The following MPRIP variants were observed in gnomAD, a reference collection of about 807,000 sequenced individuals.
MPRIP encodes the protein myosin phosphatase Rho interacting protein, also known as myosin phosphatase Rho-interacting protein.
In MPRIP, 59 loss-of-function variants were observed where a neutral mutation model predicts 234.9. That is an observed-to-expected ratio of 0.25 (90% CI 0.20 to 0.31). The LOEUF (loss-of-function observed/expected upper bound fraction) is 0.31. Ranked by LOEUF, MPRIP falls within the 10% of genes least tolerant of loss-of-function variation. MPRIP has a pLI of 1.00. For missense variants in MPRIP, 2,436 were observed against 3,071.0 expected, an observed-to-expected ratio of 0.79 and a Z score of 4.89; for synonymous variants, 1,144 against 1,263.9, an observed-to-expected ratio of 0.91 and a Z score of 2.01.
At chr17:17,151,261 A>G (rs1319848620) in intron 12 of MPRIP, among the ~76,000 whole-genome samples, 2 of 152,184 alleles carry the variant, frequency 1.3e-5, no homozygotes, top group Non-Finnish European at 2.9e-5. Context: ...CACAGGATTC[A>G]GGAAAGTACT....
intron 1 of MPRIP, among the ~76,000 whole-genome samples, chr17:17,062,510 A>G (rs1018297779): frequency 1.3e-5 from 2 of 152,212 alleles, no homozygotes; most frequent in African/African-American, 4.8e-5. Context: ...TGTGTGCTTC[A>G]TGTTTTTATC....
chr17:17,135,631 A>G (rs11652674), intron 5 of MPRIP, among the ~76,000 whole-genome samples: 6,276 of 152,244 alleles, frequency 0.041, 216 homozygotes, highest in East Asian at 0.14. Flanking sequence ...AGAAGGGGCA[A>G]GGCAGCTCTC....
intron 1 of MPRIP, among the ~76,000 whole-genome samples, chr17:17,066,830 C>T (rs1484035392): frequency 1.5e-5 from 2 of 137,068 alleles, no homozygotes; most frequent in African/African-American, 5.4e-5. Context: ...AAGCATAGCT[C>T]ACTGCAACCT....
At chr17:17,118,422 T>G (rs958363662) in intron 3 of MPRIP, among the ~76,000 whole-genome samples, 1 of 151,898 alleles carries the variant, frequency 6.6e-6, no homozygotes, top group African/African-American at 2.4e-5. Flanking sequence ...TGGGGAAGAG[T>G]GCAGAATCAT....
intron 3 of MPRIP, among the ~76,000 whole-genome samples, chr17:17,091,580 C>T (rs970940088): frequency 2.0e-5 from 3 of 152,184 alleles, no homozygotes; most frequent in Non-Finnish European, 4.4e-5. Context: ...CAGGGTCATG[C>T]GGCTGGTTGT....
Position 17,147,384 on chromosome 17 carries a change from G to A in MPRIP, c.1626G>A (p.Glu542=), listed in dbSNP as rs139079841. Residue 542 remains glutamate, a synonymous_variant, in exon 11 of 24, where the codon GAG becomes GAA. Transcript: ENST00000651222. ...SLRYYRDSVA[E]EAADLDGEID... ...GATACTACAGGGATTCAGTGGCTGA[G>A]GAGGTGAGTGTCTGGGCTTTGCCTC... 3 of 1,614,042 alleles carry A rather than the reference G, an allele frequency of 1.9e-6. No homozygotes were observed. Among genetic ancestry groups the A allele is most frequent in the African/African-American group, 2.7e-5 (2 of 74,936 alleles).
chr17:17,047,842 G>A (rs1397517493), intron 1 of MPRIP, among the ~76,000 whole-genome samples: 1 of 152,192 alleles, frequency 6.6e-6, no homozygotes, highest in Non-Finnish European at 1.5e-5. Context: ...GGAGGTGGTT[G>A]CTGAAATCAT....
intron 3 of MPRIP, among the ~76,000 whole-genome samples, chr17:17,116,083 A>G (rs1307488370): frequency 6.6e-6 from 1 of 152,154 alleles, no homozygotes; most frequent in Non-Finnish European, 1.5e-5. Flanking sequence ...TAAATCTATA[A>G]TATAAATCTA....
chr17:17,055,200 CA>C (rs1373680628), intron 1 of MPRIP, among the ~76,000 whole-genome samples: 3 of 152,090 alleles, frequency 2.0e-5, no homozygotes, highest in Non-Finnish European at 2.9e-5. Flanking sequence ...GAGCAGATCC[CA>C]ATTTTAGGAA....
At chr17:17,145,938 T>C in intron 9 of MPRIP, 98 bp from the exon 10 acceptor site, 1 of 1,198,980 alleles carries the variant, frequency 8.3e-7, no homozygotes, top group Non-Finnish European at 1.2e-6. Context: ...ACCCCTTTCC[T>C]GGTACCCGCC....
At position 17,166,046 on chromosome 17, in the gene MPRIP, A is replaced by G; in HGVS notation, c.4455A>G (p.Gln1485=). Residue 1485 remains glutamine (Q), a synonymous_variant, in exon 16 of 24, where the codon CAA becomes CAG. Transcript: ENST00000651222. This position sits in a 1 kb window ranked among gnomAD's most constrained non-coding sequence, Gnocchi z 4.4. ...TGTGCCTGGAAAATTGCCGAGAACA[A>G]CTGAGATCTCTGCCTAGGGCCAGCC... ...ALMCLENCRE[Q]LRSLPRASQE... 7.7e-7 allele frequency: 1 copy of G among 1,303,480 alleles called. No homozygotes were observed. Among genetic ancestry groups the G allele is most frequent in the Non-Finnish European group, 1.0e-6 (1 of 988,536 alleles). 80.7% of individuals were successfully genotyped at this position (1,303,480 alleles called of 1,614,324 possible).
At chr17:17,060,611 C>T (rs1296550594) in intron 1 of MPRIP, among the ~76,000 whole-genome samples, 1 of 152,188 alleles carries the variant, frequency 6.6e-6, no homozygotes, top group Non-Finnish European at 1.5e-5. Context: ...CCACTGCCAG[C>T]GGGGAGGAGT....
chr17:17,087,044 T>C (rs1322358469), intron 3 of MPRIP, among the ~76,000 whole-genome samples: 3 of 152,126 alleles, frequency 2.0e-5, no homozygotes, highest in Non-Finnish European at 4.4e-5. Context: ...TTTCTTGTTG[T>C]TTGCACCTCT....
intron 3 of MPRIP, among the ~76,000 whole-genome samples, chr17:17,108,043 C>T (rs1038926697): frequency 6.6e-6 from 1 of 152,236 alleles, no homozygotes; most frequent in Non-Finnish European, 1.5e-5. Context: ...TTGCCTGACA[C>T]AGCCACCACC....
intron 1 of MPRIP, among the ~76,000 whole-genome samples, chr17:17,068,862 C>A (rs867915611): frequency 1.3e-5 from 2 of 152,046 alleles, no homozygotes; most frequent in Non-Finnish European, 2.9e-5. Context: ...TTTATTATTT[C>A]CTTCTTTTTC....
chr17:17,171,916 G>T, intron 17 of MPRIP, 51 bp downstream of exon 17: 1 of 1,567,892 alleles, frequency 6.4e-7, no homozygotes, highest in Non-Finnish European at 8.6e-7. Context: ...AGCTTTTTTT[G>T]AGCTAGACAC....
chr17:17,177,426 T>A lies in MPRIP; in HGVS notation c.7120+14T>A. ...TGTCCGGATATGGTGCGTCCTCGGGTCATGCCCTCTCGGTTATTGCTGGGG... is the reference window on the plus strand; with the variant it reads ...TGTCCGGATATGGTGCGTCCTCGGGACATGCCCTCTCGGTTATTGCTGGGG... On this transcript the variant is annotated intron_variant, in intron 22 of 23. Coordinates refer to ENST00000651222, the MANE Select transcript of MPRIP (RefSeq NM_001364716.4). 6.2e-7 allele frequency: 1 copy of A among 1,608,972 alleles called. No individual in the cohort carries two copies. Among genetic ancestry groups the A allele is most frequent in the Non-Finnish European group, 8.5e-7 (1 of 1,176,550 alleles).
chr17:17,069,868 C>G (rs1165140531), intron 1 of MPRIP, among the ~76,000 whole-genome samples: 1 of 152,064 alleles, frequency 6.6e-6, no homozygotes, highest in African/African-American at 2.4e-5. Flanking sequence ...TTCAGATGTT[C>G]CAGGATTCCT....
chr17:17,074,448 T>G (rs922225549), intron 1 of MPRIP, among the ~76,000 whole-genome samples: 1 of 152,370 alleles, frequency 6.6e-6, no homozygotes, highest in East Asian at 1.9e-4. Context: ...GGCCAGACAC[T>G]GTGCTCAGTG....
Sources: allele counts gnomAD v4.1 joint callset (sites outside exome capture counted in the v4.1 genomes callset), GRCh38; gene constraint gnomAD v4.1.1; non-coding constraint Gnocchi (gnomAD v3.1); transcripts MANE v1.5; gene names NCBI Gene and HGNC (gene_info 2026-07-23, HGNC 2026-07-21).